RBFOX1: variants seen among roughly 807,000 people sequenced by gnomAD.
RBFOX1 encodes the protein RNA binding fox-1 homolog 1.
RBFOX1 carries 8 observed loss-of-function variants against 57.7 expected under a neutral mutation model. That is an observed-to-expected ratio of 0.14 (90% CI 0.08 to 0.25). The LOEUF (loss-of-function observed/expected upper bound fraction) is 0.25, where lower values mean the gene tolerates loss of function less well. Ranked by LOEUF, RBFOX1 falls within the 10% of genes least tolerant of loss-of-function variation. RBFOX1 has a pLI of 1.00. For synonymous variants in RBFOX1, 326 were observed against 222.4 expected, an observed-to-expected ratio of 1.47 and a Z score of -4.15; for missense variants, 611 against 548.5, an observed-to-expected ratio of 1.11 and a Z score of -1.14.
chr16:7,237,374 A>C (rs754654267), intron 4 of RBFOX1, among the ~76,000 whole-genome samples: 4 of 152,224 alleles, frequency 2.6e-5, no homozygotes, highest in Admixed American at 6.5e-5. Flanking sequence ...TGTTCTGTAC[A>C]TACAATAATA....
chr16:7,561,947 A>T (rs12933673), intron 5 of RBFOX1, among the ~76,000 whole-genome samples: 49,326 of 151,996 alleles, frequency 0.32, 9,753 homozygotes, highest in East Asian at 0.63. Context: ...TGTTAAATTG[A>T]TGTATAGGTT....
intron 3 of RBFOX1, among the ~76,000 whole-genome samples, chr16:6,936,008 G>C (rs1811981821): frequency 6.6e-6 from 1 of 152,188 alleles, no homozygotes; most frequent in South Asian, 2.1e-4. Context: ...AATGAGCTAA[G>C]TTTGGATAAT....
intron 3 of RBFOX1, among the ~76,000 whole-genome samples, chr16:7,011,055 T>G (rs1481791049): frequency 6.7e-6 from 1 of 148,466 alleles, no homozygotes; most frequent in Non-Finnish European, 1.5e-5. Flanking sequence ...GCCTTTTAAT[T>G]GAAAGCAAAT....
At chr16:7,605,471 C>CG (rs1253165555) in intron 9 of RBFOX1, among the ~76,000 whole-genome samples, 3 of 152,106 alleles carry the variant, frequency 2.0e-5, no homozygotes, top group Non-Finnish European at 2.9e-5. Context: ...GAGATCATCC[C>CG]GGGGGCTGTA....
chr16:6,360,009 C>T (rs531319329), intron 2 of RBFOX1, among the ~76,000 whole-genome samples: 14 of 152,164 alleles, frequency 9.2e-5, no homozygotes, highest in Admixed American at 5.2e-4. Context: ...GATTACAGAA[C>T]GTGAGGAACA....
intron 1 of RBFOX1, among the ~76,000 whole-genome samples, chr16:5,344,825 G>T (rs187063511): frequency 6.6e-6 from 1 of 152,316 alleles, no homozygotes; most frequent in East Asian, 1.9e-4. Context: ...AGAAAATAGG[G>T]CCACTGCAGG....
chr16:7,173,147 T>C (rs2081031923), intron 4 of RBFOX1, among the ~76,000 whole-genome samples: 2 of 152,210 alleles, frequency 1.3e-5, no homozygotes, highest in African/African-American at 4.8e-5. Context: ...TAAAATCTTA[T>C]TTTCTTGACT....
intron 2 of RBFOX1, among the ~76,000 whole-genome samples, chr16:6,617,671 T>A: frequency 6.6e-6 from 1 of 152,094 alleles, no homozygotes. Flanking sequence ...GTTTTGACTC[T>A]CAGGGAGCCT....
In RBFOX1 at chr16:6,019,356, G is replaced by T. The variant is rs1291038329; in HGVS notation, c.-763G>T. The T allele has an allele frequency of 2.0e-6, 2 of 985,254 alleles. No individual in the cohort carries two copies. The highest frequency in any genetic ancestry group is 1.7e-5 in the African/African-American group (1 of 57,174). The allele number at this position is 985,254 out of a possible 1,614,324, so 61.0% of individuals were successfully genotyped here. A position where few individuals can be genotyped will look rare whatever the true frequency, so the allele number is the denominator to read the frequency against. On this transcript the variant is annotated 5_prime_UTR_variant, in exon 1 of 16. Coordinates refer to ENST00000550418, the MANE Select transcript of RBFOX1 (RefSeq NM_018723.4). The surrounding 1 kb of genome is among the most constrained non-coding windows in gnomAD (Gnocchi z 4.2). ...GCCGCCGCCTCCTCCAGCCAGAGTC[G>T]GTGGGACTGGCTGCGCTGCCCTGAA...
intron 1 of RBFOX1, among the ~76,000 whole-genome samples, chr16:6,165,774 A>G (rs758359751): frequency 2.0e-5 from 3 of 152,162 alleles, no homozygotes; most frequent in Admixed American, 6.5e-5. Context: ...GGAGTTAACA[A>G]TTGCTAAGGG....
At position 5,921,877 on chromosome 16, in the gene RBFOX1, T is replaced by C. The variant is rs140033770; in HGVS notation, c.351+54542T>C. Among the ~76,000 whole-genome samples the C allele has an allele frequency of 1.9e-3, 284 of 151,570 alleles. 1 individual carries two copies. The highest frequency in any genetic ancestry group is 6.5e-3 in the African/African-American group (270 of 41,320). ...TCTTTTAACAACCAGATAGGCCAGG[T>C]GTGGTGGCTTAGGCCTGTAATCCCA... On this transcript the variant is annotated intron_variant, in intron 4 of 19. Transcript: ENST00000641259.
At chr16:7,045,959 A>G (rs997040607) in intron 3 of RBFOX1, among the ~76,000 whole-genome samples, 1 of 152,142 alleles carries the variant, frequency 6.6e-6, no homozygotes, top group Non-Finnish European at 1.5e-5. Flanking sequence ...TGCCCGGCCA[A>G]GATAAACTTT....
chr16:5,517,865 T>C (rs754152307), intron 2 of RBFOX1, among the ~76,000 whole-genome samples: 57 of 148,044 alleles, frequency 3.9e-4, no homozygotes, highest in Non-Finnish European at 7.7e-4. Flanking sequence ...CACACACACG[T>C]ACATATACTG....
rs146010043 is a variant in RBFOX1, at chr16:6,976,825, A to G, written c.-15-75232A>G. Reference sequence around the variant, plus strand: ...ATGAGATATAAATGATCTAGATCATATATAATGTACCTATCATATGATGTA... The same window carrying G: ...ATGAGATATAAATGATCTAGATCATGTATAATGTACCTATCATATGATGTA... On this transcript the variant is annotated intron_variant, in intron 3 of 15. Coordinates refer to ENST00000550418, the MANE Select transcript of RBFOX1 (RefSeq NM_018723.4). Among the ~76,000 whole-genome samples the G allele has an allele frequency of 4.1e-3, 596 of 146,860 alleles. 6 individuals are homozygous for G. The highest frequency in any genetic ancestry group is 0.014 in the African/African-American group (575 of 40,386).
chr16:6,051,710 C>T (rs904869939), intron 1 of RBFOX1, among the ~76,000 whole-genome samples: 3 of 152,120 alleles, frequency 2.0e-5, no homozygotes, highest in East Asian at 1.9e-4. Context: ...ATTACAGGCT[C>T]CTGCCACCAT....
rs113945390 is a variant in RBFOX1 at position 7,575,282 on chromosome 16, G to A, written c.271-4495G>A. Among the ~76,000 whole-genome samples, 1,006 of 152,042 alleles carry A rather than the reference G, an allele frequency of 6.6e-3. 6 individuals carry two copies. The highest frequency in any genetic ancestry group is 0.02 in the African/African-American group (838 of 41,480). On this transcript the variant is annotated intron_variant, in intron 5 of 15. Transcript: ENST00000550418. ...CCCAAGTAGCTGGGATTACAGGTGCGCGCTACCCCACCTGGCTAATTTTTG... is the reference window on the plus strand; with the variant it reads ...CCCAAGTAGCTGGGATTACAGGTGCACGCTACCCCACCTGGCTAATTTTTG...
chr16:6,498,590 G>A (rs2095837361), intron 2 of RBFOX1, among the ~76,000 whole-genome samples: 1 of 152,098 alleles, frequency 6.6e-6, no homozygotes, highest in South Asian at 2.1e-4. Flanking sequence ...TAAACTTCAT[G>A]AAGACAGAGA....
chr16:7,164,548 T>C (rs1054677612), intron 4 of RBFOX1, among the ~76,000 whole-genome samples: 1 of 152,138 alleles, frequency 6.6e-6, no homozygotes, highest in African/African-American at 2.4e-5. Context: ...AAGAGTAAAA[T>C]TTATATACTA....
chr16:5,463,478 G>C (rs1208058113), intron 1 of RBFOX1, among the ~76,000 whole-genome samples: 3 of 152,114 alleles, frequency 2.0e-5, no homozygotes, highest in African/African-American at 7.2e-5. Flanking sequence ...GGATCCAAGT[G>C]CTTAAAGATG....
Sources: allele counts gnomAD v4.1 joint callset (sites outside exome capture counted in the v4.1 genomes callset), GRCh38; gene constraint gnomAD v4.1.1; non-coding constraint Gnocchi (gnomAD v3.1); transcripts MANE v1.5; gene names NCBI Gene and HGNC (gene_info 2026-07-23, HGNC 2026-07-21).